Variants in CACNA2D3 observed in about 807,000 individuals in gnomAD.
CACNA2D3 encodes voltage-dependent calcium channel subunit alpha-2/delta-3.
In CACNA2D3, 60 loss-of-function variants were observed where a neutral mutation model predicts 160.6. That is an observed-to-expected ratio of 0.37 (90% CI 0.30 to 0.46). The LOEUF (loss-of-function observed/expected upper bound fraction) is 0.46, where lower values mean the gene tolerates loss of function less well. Ranked by LOEUF, CACNA2D3 falls within the 20% of genes least tolerant of loss-of-function variation. CACNA2D3 has a pLI of 1.00. For missense variants in CACNA2D3, 1,205 were observed against 1,365.0 expected (o/e 0.88, Z 1.85); for synonymous variants, 558 against 492.9 (o/e 1.13, Z -1.75).
chr3:54,298,535 A>C (rs1026287335), intron 2 of CACNA2D3, among the ~76,000 whole-genome samples: 1 of 152,224 alleles, frequency 6.6e-6, no homozygotes, highest in Non-Finnish European at 1.5e-5. Flanking sequence ...GCAGTGGCTC[A>C]TGCCTGTAAT....
intron 35 of CACNA2D3, among the ~76,000 whole-genome samples, chr3:55,062,115 C>T (rs1236875290): frequency 6.6e-6 from 1 of 152,028 alleles, no homozygotes. Context: ...TTTTATCTTT[C>T]ATTTTTTGTT....
At chr3:54,236,806 T>C (rs9839160) in intron 2 of CACNA2D3, among the ~76,000 whole-genome samples, 2,277 of 152,224 alleles carry the variant, frequency 0.015, 64 homozygotes, top group African/African-American at 0.052. Flanking sequence ...TGCCAAGAGA[T>C]TCTTGTACAA....
At chr3:54,416,130 T>G (rs888664897) in intron 4 of CACNA2D3, among the ~76,000 whole-genome samples, 2 of 152,202 alleles carry the variant, frequency 1.3e-5, no homozygotes, top group African/African-American at 4.8e-5. Context: ...TTGGATCTAT[T>G]CTCCACATAG....
At chr3:54,574,226 C>T (rs777803131) in intron 8 of CACNA2D3, among the ~76,000 whole-genome samples, 1 of 152,058 alleles carries the variant, frequency 6.6e-6, no homozygotes, top group African/African-American at 2.4e-5. Flanking sequence ...CGGAAGCCCT[C>T]GTGTACTGTA....
chr3:54,800,066 T>C (rs537599656), intron 13 of CACNA2D3, among the ~76,000 whole-genome samples: 12 of 152,202 alleles, frequency 7.9e-5, no homozygotes, highest in Non-Finnish European at 1.6e-4. Flanking sequence ...GCTTAGAGCA[T>C]CCAACTGGAA....
intron 2 of CACNA2D3, among the ~76,000 whole-genome samples, chr3:54,133,169 A>G (rs1699749780): frequency 6.6e-6 from 1 of 152,178 alleles, no homozygotes; most frequent in African/African-American, 2.4e-5. Flanking sequence ...CGGCAGTAAT[A>G]ATAATAATGA....
chr3:54,848,892 G>C (rs1345392352), intron 17 of CACNA2D3, among the ~76,000 whole-genome samples: 1 of 152,218 alleles, frequency 6.6e-6, no homozygotes, highest in Non-Finnish European at 1.5e-5. Flanking sequence ...CAAAGGACCT[G>C]GTGCAGAAAA....
At chr3:55,073,980 A>T in intron 37 of CACNA2D3, 121 bp downstream of exon 37, 5 of 1,073,732 alleles carry the variant, frequency 4.7e-6, no homozygotes, top group Non-Finnish European at 7.1e-6. Flanking sequence ...TTCATTCAGT[A>T]AACTGAATCT....
chr3:54,472,517 T>C lies in CACNA2D3; in HGVS notation c.382-30975T>C, dbSNP rs6772573. Among the ~76,000 whole-genome samples the C allele has an allele frequency of 6.2e-3, 948 of 152,244 alleles. 8 individuals are homozygous for C. The highest frequency in any genetic ancestry group is 0.022 in the African/African-American group (916 of 41,542). ...CTCTCACCACTCCTATTCAACATAG[T>C]ATTGGAAGTTCTGGCTAGGGCAGTC... On this transcript the variant is annotated intron_variant, in intron 4 of 37. Transcript: ENST00000474759.
At chr3:54,565,690 G>A (rs1382072823) in intron 6 of CACNA2D3, among the ~76,000 whole-genome samples, 4 of 152,154 alleles carry the variant, frequency 2.6e-5, no homozygotes, top group African/African-American at 9.7e-5. Context: ...CACGTGGTTA[G>A]TAGTCACCAT....
At chr3:54,389,351 T>C (rs1699242276) in intron 4 of CACNA2D3, among the ~76,000 whole-genome samples, 1 of 150,672 alleles carries the variant, frequency 6.6e-6, no homozygotes, top group Admixed American at 6.6e-5. Context: ...CTAATGCATA[T>C]AGAAAAATGA....
intron 27 of CACNA2D3, among the ~76,000 whole-genome samples, chr3:54,904,731 C>G (rs1700416089): frequency 1.3e-5 from 2 of 152,168 alleles, no homozygotes; most frequent in Non-Finnish European, 2.9e-5. Context: ...ATACATGATT[C>G]AAGGAAGACG....
chr3:54,291,541 C>T (rs75611726), intron 2 of CACNA2D3, among the ~76,000 whole-genome samples: 82 of 151,954 alleles, frequency 5.4e-4, no homozygotes, highest in African/African-American at 1.9e-3. Context: ...AGCCTGTAAT[C>T]TTTTTTTTAA....
chr3:54,268,445 T>C (rs1371080602), intron 2 of CACNA2D3, among the ~76,000 whole-genome samples: 1 of 152,328 alleles, frequency 6.6e-6, no homozygotes, highest in African/African-American at 2.4e-5. Context: ...GTTTCACTCT[T>C]GTCGCCCAGG....
intron 4 of CACNA2D3, among the ~76,000 whole-genome samples, chr3:54,495,281 TG>T (rs59312505): frequency 0.046 from 7,076 of 152,300 alleles, 571 homozygotes; most frequent in African/African-American, 0.16. Flanking sequence ...ACTTGAGTTC[TG>T]TTTCTATAAA....
At chr3:54,142,741 T>G (rs985877737) in intron 2 of CACNA2D3, among the ~76,000 whole-genome samples, 1 of 152,194 alleles carries the variant, frequency 6.6e-6, no homozygotes, top group East Asian at 1.9e-4. Flanking sequence ...ATTTAACTGA[T>G]GAAGAAGCTG....
At chr3:54,641,438 A>C (rs915361468) in intron 10 of CACNA2D3, among the ~76,000 whole-genome samples, 1 of 152,178 alleles carries the variant, frequency 6.6e-6, no homozygotes, top group Non-Finnish European at 1.5e-5. Flanking sequence ...GAAGCCTCTA[A>C]GTGGCAGGCT....
chr3:54,821,716 CCTCT>C lies in CACNA2D3; in HGVS notation c.1398+4863_1398+4866del, dbSNP rs144564494. ...TCTTTCTTTCCTTCCTTCCTTCTTT[CCTCT>C]CTCTCTCTCTCTCTCTTTCTCTCTC... On this transcript the variant is annotated intron_variant, in intron 14 of 37. Coordinates refer to ENST00000474759, the MANE Select transcript of CACNA2D3 (RefSeq NM_018398.3). Among the ~76,000 whole-genome samples, 106 of 112,848 alleles carry C rather than the reference CCTCT, an allele frequency of 9.4e-4. 1 individual carries two copies. Among genetic ancestry groups the C allele is most frequent in the Middle Eastern group, 4.2e-3 (1 of 236 alleles). The allele number at this position is 112,848 out of a possible 152,430, so 74.0% of individuals were successfully genotyped here.
At chr3:54,315,886 G>A (rs993323674) in intron 2 of CACNA2D3, among the ~76,000 whole-genome samples, 2 of 152,052 alleles carry the variant, frequency 1.3e-5, no homozygotes, top group African/African-American at 2.4e-5. Flanking sequence ...AAAGGAATCT[G>A]TTTATTAGGT....
Sources: allele counts gnomAD v4.1 joint callset (sites outside exome capture counted in the v4.1 genomes callset), GRCh38; gene constraint gnomAD v4.1.1; transcripts MANE v1.5; gene names NCBI Gene and HGNC (gene_info 2026-07-23, HGNC 2026-07-21).